Variants in LRIG1 observed in about 807,000 individuals in gnomAD.
The protein encoded by LRIG1 is leucine-rich repeats and immunoglobulin-like domains protein 1.
LRIG1 carries 48 observed loss-of-function variants against 99.2 expected under a neutral mutation model. The ratio of observed to expected loss-of-function variants is 0.48; its 90% CI spans 0.38 to 0.62. The LOEUF is 0.62. Ranked by LOEUF, LRIG1 falls within the 20% of genes least tolerant of loss-of-function variation. The pLI is 0.00. For synonymous variants in LRIG1, 772 were observed against 596.1 expected, an observed-to-expected ratio of 1.29 and a Z score of -4.30; for missense variants, 1,646 against 1,434.4, an observed-to-expected ratio of 1.15 and a Z score of -2.38.
chr3:66,396,326 C>T (rs976519284), intron 11 of LRIG1, among the ~76,000 whole-genome samples: 1 of 152,256 alleles, frequency 6.6e-6, no homozygotes, highest in African/African-American at 2.4e-5. Flanking sequence ...GTGGAGAGCA[C>T]AGCGCCATCG....
At chr3:66,409,429 A>C (rs1253723321) in intron 7 of LRIG1, among the ~76,000 whole-genome samples, 2 of 152,198 alleles carry the variant, frequency 1.3e-5, no homozygotes, top group Non-Finnish European at 2.9e-5. Flanking sequence ...TGTCACTACT[A>C]ATCTCAGAAC....
At chr3:66,393,708 G>A (rs1199899134) in intron 12 of LRIG1, among the ~76,000 whole-genome samples, 8 of 152,268 alleles carry the variant, frequency 5.3e-5, no homozygotes, top group African/African-American at 9.6e-5. Flanking sequence ...CGCCAGCCTC[G>A]TACGCGGAGT....
Position 66,382,444 on chromosome 3 carries a change from G to C in LRIG1, c.2492-46C>G, listed in dbSNP as rs142129997. 3,135 of 1,611,642 alleles carry C rather than the reference G, an allele frequency of 1.9e-3. 18 individuals are homozygous for C. Among genetic ancestry groups the C allele is most frequent in the African/African-American group, 0.01 (784 of 74,946 alleles). ...TAGAACACCAGGGTCTCAGTGACAA[G>C]AAATGCAGACACACGTTCACTGTCA... is the stretch of plus-strand genomic sequence containing the variant. On this transcript the variant is annotated intron_variant, in intron 15 of 18. Transcript: ENST00000273261.
chr3:66,499,577 TC>T (rs1701306701), intron 1 of LRIG1, among the ~76,000 whole-genome samples: 1 of 152,112 alleles, frequency 6.6e-6, no homozygotes, highest in Admixed American at 6.5e-5. Context: ...TCAGGGGTCC[TC>T]GGGGGAAGAC....
At chr3:66,441,073 G>GA (rs1013353560) in intron 3 of LRIG1, among the ~76,000 whole-genome samples, 1 of 151,982 alleles carries the variant, frequency 6.6e-6, no homozygotes. Flanking sequence ...TGTCCCCGAG[G>GA]AAAAAAAGTA....
At chr3:66,419,656 T>C (rs1022582866) in intron 3 of LRIG1, among the ~76,000 whole-genome samples, 2 of 151,956 alleles carry the variant, frequency 1.3e-5, no homozygotes, top group Non-Finnish European at 2.9e-5. Flanking sequence ...AGCTAACAAG[T>C]TGGGAATGGA....
intron 1 of LRIG1, among the ~76,000 whole-genome samples, chr3:66,473,517 T>G (rs1460255697): frequency 6.6e-6 from 1 of 152,218 alleles, no homozygotes; most frequent in African/African-American, 2.4e-5. Context: ...CATGCTTACT[T>G]GCATTTGCCA....
intron 2 of LRIG1, among the ~76,000 whole-genome samples, chr3:66,453,292 G>T (rs141777707): frequency 6.6e-6 from 1 of 152,182 alleles, no homozygotes; most frequent in Admixed American, 6.5e-5. Flanking sequence ...AAAAACAAAA[G>T]CAGGTAAATT....
At chr3:66,382,169 C>A in intron 16 of LRIG1, 104 bp downstream of exon 16, 1 of 1,360,916 alleles carries the variant, frequency 7.3e-7, no homozygotes, top group Middle Eastern at 2.0e-4. Context: ...CAAGTTTGCC[C>A]CATCTAATGC....
At chr3:66,388,291 G>C (rs935518667) in intron 12 of LRIG1, among the ~76,000 whole-genome samples, 7 of 151,928 alleles carry the variant, frequency 4.6e-5, no homozygotes, top group African/African-American at 1.2e-4. Flanking sequence ...CAGGGAACTT[G>C]AGACAGTCAA....
At chr3:66,462,195 C>G (rs1180660577) in intron 2 of LRIG1, among the ~76,000 whole-genome samples, 1 of 152,164 alleles carries the variant, frequency 6.6e-6, no homozygotes, top group South Asian at 2.1e-4. Context: ...CTGCTATACA[C>G]CCACCATGCG....
chr3:66,455,233 C>T (rs1022055369), intron 2 of LRIG1, among the ~76,000 whole-genome samples: 3 of 152,174 alleles, frequency 2.0e-5, no homozygotes, highest in African/African-American at 4.8e-5. Context: ...GCGTGAGCCA[C>T]CATGCCTGAA....
chr3:66,451,527 C>T (rs1703904352), intron 3 of LRIG1, 32 bp downstream of exon 3: 2 of 1,604,114 alleles, frequency 1.2e-6, no homozygotes, highest in South Asian at 1.1e-5. Flanking sequence ...CCCCACCACA[C>T]AGCCCAGAGT....
rs756671276 is a variant in LRIG1 at position 66,380,678 on chromosome 3, G to C, written c.2954C>G (p.Ala985Gly). The change falls in exon 18 of 19, where the codon GCT becomes GGT. Residue 985 changes from alanine (A) to glycine (G), a missense_variant. Transcript: ENST00000273261. ...SPHHQCSRTA[A>G]GSCPECQGSL... ...CCCTTGGCACTCGGGGCAGGACCCAGCGGCAGTCCTGCTGCACTGGTGATG... is the reference window on the plus strand; with the variant it reads ...CCCTTGGCACTCGGGGCAGGACCCACCGGCAGTCCTGCTGCACTGGTGATG... 9 of 1,614,074 alleles carry C rather than the reference G, an allele frequency of 5.6e-6. No individual in the cohort carries two copies. The highest frequency in any genetic ancestry group is 1.3e-5 in the African/African-American group (1 of 74,934).
In LRIG1 at chr3:66,383,238, G is replaced by A; in HGVS notation, c.2235C>T (p.Asn745=). 1 of 1,614,242 alleles carries A rather than the reference G, an allele frequency of 6.2e-7. No individual in the cohort carries two copies. The highest frequency in any genetic ancestry group is 8.5e-7 in the Non-Finnish European group (1 of 1,180,050). The change falls in exon 15 of 19, where the codon AAC becomes AAT. Residue 745 remains asparagine, a synonymous_variant. Transcript: ENST00000273261. ...LTERHHLTPD[N]QLLVVQNVVA... ...CCACGTTCTGAACCACCAGGAGCTG[G>A]TTGTCAGGGGTCAAGTGGTGCCGCT...
At chr3:66,439,717 A>T (rs1345238059) in intron 3 of LRIG1, among the ~76,000 whole-genome samples, 2 of 152,202 alleles carry the variant, frequency 1.3e-5, no homozygotes, top group African/African-American at 2.4e-5. Flanking sequence ...TATAGGTAGA[A>T]TGCAAATGAC....
intron 7 of LRIG1, among the ~76,000 whole-genome samples, chr3:66,409,057 T>G (rs1311376570): frequency 6.6e-6 from 1 of 150,906 alleles, no homozygotes; most frequent in Non-Finnish European, 1.5e-5. Context: ...AGAATCCACA[T>G]TAGATTCACG....
chr3:66,383,223 AACC>A lies in LRIG1; in HGVS notation c.2247_2249del (p.Val750del). 1.2e-6 allele frequency: 2 copies of A among 1,614,192 alleles called. No individual in the cohort carries two copies. Among genetic ancestry groups the A allele is most frequent in the Non-Finnish European group, 1.7e-6 (2 of 1,180,024 alleles). ...CCGCATCCTCTGCCACCACGTTCTG[AACC>A]ACCAGGAGCTGGTTGTCAGGGGTCA... On this transcript the variant is annotated inframe_deletion, in exon 15 of 19. Coordinates refer to ENST00000273261, the MANE Select transcript of LRIG1 (RefSeq NM_015541.3).
intron 1 of LRIG1, among the ~76,000 whole-genome samples, chr3:66,486,071 T>G (rs556153467): frequency 6.6e-6 from 1 of 152,342 alleles, no homozygotes; most frequent in South Asian, 2.1e-4. Context: ...GGGCCTCATG[T>G]ATACAACAGA....
Sources: allele counts gnomAD v4.1 joint callset (sites outside exome capture counted in the v4.1 genomes callset), GRCh38; gene constraint gnomAD v4.1.1; transcripts MANE v1.5; gene names NCBI Gene and HGNC (gene_info 2026-07-23, HGNC 2026-07-21).